TBCD: variants seen among roughly 807,000 people sequenced by gnomAD.
TBCD encodes the protein tubulin folding cofactor D, also known as tubulin-specific chaperone D.
A neutral mutation model predicts 169.3 loss-of-function variants in TBCD; 105 were observed. That is an observed-to-expected ratio of 0.62 (90% confidence interval 0.53 to 0.73). TBCD has a LOEUF of 0.73. Among genes scored for constraint, TBCD ranks in the 30% least tolerant of loss-of-function variants. TBCD has a pLI of 0.00. For missense variants in TBCD, 1,444 were observed against 1,600.1 expected (o/e 0.90, Z 1.66); for synonymous variants, 700 against 643.9 (o/e 1.09, Z -1.32).
intron 2 of TBCD, among the ~76,000 whole-genome samples, chr17:82,761,100 C>T (rs2047730804): frequency 6.6e-6 from 1 of 152,160 alleles, no homozygotes; most frequent in East Asian, 1.9e-4. Context: ...GCTGGGATTA[C>T]AGGCGCCACC....
Position 82,920,603 on chromosome 17 carries a change from G to A in TBCD, c.2086G>A (p.Gly696Ser). The change falls in exon 24 of 39, where the codon GGT (glycine) becomes AGT (serine). Residue 696 changes from glycine to serine, a missense_variant. Coordinates refer to ENST00000355528, the MANE Select transcript of TBCD (RefSeq NM_005993.5). The surrounding 1 kb of genome is among the most constrained non-coding windows in gnomAD (Gnocchi z 4.1). ...KLSLSKMPFR[G>S]DTVIDGWQWL... is the part of the protein sequence containing the mutation. The stretch of plus-strand genomic sequence containing the variant: ...GTCACTTTCCAAAATGCCCTTTAGA[G>A]GTGACACCGTAATTGGTAAGTGCTT... The A allele has an allele frequency of 6.4e-7, 1 of 1,551,264 alleles. No homozygotes were observed. The highest frequency in any genetic ancestry group is 8.7e-7 in the Non-Finnish European group (1 of 1,147,756).
At chr17:82,885,560 T>C (rs1329044644) in intron 15 of TBCD, among the ~76,000 whole-genome samples, 3 of 152,220 alleles carry the variant, frequency 2.0e-5, no homozygotes, top group African/African-American at 7.2e-5. Context: ...GGGGAAATCA[T>C]CACATTTTTG....
At chr17:82,939,121 A>G (rs1271392173) in intron 36 of TBCD, 6 of 571,158 alleles carry the variant, frequency 1.1e-5, no homozygotes, top group Non-Finnish European at 1.6e-5. Context: ...TTAAACAAGA[A>G]TGATGTCATC....
intron 27 of TBCD, 23 bp from the exon 28 acceptor site, chr17:82,926,376 CT>C: frequency 6.2e-7 from 1 of 1,609,922 alleles, no homozygotes; most frequent in Non-Finnish European, 8.5e-7. Flanking sequence ...TATGGTTCTT[CT>C]GTGATTCTTT....
At chr17:82,863,573 G>A (rs1455602551) in intron 13 of TBCD, among the ~76,000 whole-genome samples, 2 of 152,204 alleles carry the variant, frequency 1.3e-5, no homozygotes, top group Non-Finnish European at 2.9e-5. Context: ...CAGTGTGAGC[G>A]GGGAGGGTGC....
intron 32 of TBCD, 30 bp downstream of exon 32, chr17:82,929,530 G>A: frequency 6.2e-7 from 1 of 1,600,366 alleles, no homozygotes; most frequent in Non-Finnish European, 8.5e-7. Flanking sequence ...GCTGGGGCAG[G>A]AGGTGGCTCC....
chr17:82,860,682 C>T (rs2056681758), intron 13 of TBCD, among the ~76,000 whole-genome samples: 1 of 152,264 alleles, frequency 6.6e-6, no homozygotes, highest in East Asian at 1.9e-4. Flanking sequence ...TGTGGGGGGT[C>T]CTTGTGTGCT....
In TBCD at chr17:82,797,808, G is replaced by T. The variant is rs775669532; in HGVS notation, c.817+6G>T. 1.3e-6 allele frequency: 2 copies of T among 1,571,868 alleles called. No individual in the cohort carries two copies. Among genetic ancestry groups the T allele is most frequent in the Non-Finnish European group, 1.7e-6 (2 of 1,166,230 alleles). ...TGAAGACTGTTTGCCCTATGGTAAG[G>T]TTTATTTTTAAGAGACGATATCTTT... On this transcript the variant is annotated splice_donor_region_variant and intron_variant, in intron 8 of 38. Transcript: ENST00000355528.
intron 13 of TBCD, among the ~76,000 whole-genome samples, chr17:82,816,219 C>T (rs2051889413): frequency 6.6e-6 from 1 of 152,238 alleles, no homozygotes; most frequent in South Asian, 2.1e-4. Context: ...TGGAGTGCCT[C>T]CTTCCTTCCT....
intron 7 of TBCD, among the ~76,000 whole-genome samples, chr17:82,788,136 G>A (rs2144435136): frequency 6.6e-6 from 1 of 152,322 alleles, no homozygotes; most frequent in East Asian, 1.9e-4. Flanking sequence ...TACTTGGGAG[G>A]CTGAGGCAGG....
At chr17:82,892,507 G>C (rs972861044) in intron 16 of TBCD, among the ~76,000 whole-genome samples, 1 of 152,144 alleles carries the variant, frequency 6.6e-6, no homozygotes, top group African/African-American at 2.4e-5. Context: ...AAAGCCGCAT[G>C]GTACCTGCTC....
rs1415918615 is a variant in TBCD at position 82,752,106 on chromosome 17, C to T, written c.-88C>T. 3.7e-6 allele frequency: 5 copies of T among 1,342,788 alleles called. No homozygotes were observed. The highest frequency in any genetic ancestry group is 1.5e-5 in the African/African-American group (1 of 64,702). 83.2% of individuals were successfully genotyped at this position (1,342,788 alleles called of 1,614,324 possible). On this transcript the variant is annotated 5_prime_UTR_variant, in exon 1 of 39. Coordinates refer to ENST00000355528, the MANE Select transcript of TBCD (RefSeq NM_005993.5). ...GCCTTAGCGGGCGCCTCCTTTTCATCCCTCATCCTTCATCCCTGGCTTTCG... is the reference window on the plus strand; with the variant it reads ...GCCTTAGCGGGCGCCTCCTTTTCATTCCTCATCCTTCATCCCTGGCTTTCG...
At chr17:82,936,885 T>G (rs1193637937) in intron 34 of TBCD, among the ~76,000 whole-genome samples, 1 of 152,146 alleles carries the variant, frequency 6.6e-6, no homozygotes, top group Non-Finnish European at 1.5e-5. Context: ...GTCGGCAGTT[T>G]CCCCCGGCTC....
Position 82,915,096 on chromosome 17 carries a change from C to T in TBCD, c.2038+3307C>T, listed in dbSNP as rs557827312. 3.3e-5 allele frequency among the ~76,000 whole-genome samples: 5 copies of T among 152,196 alleles called. No homozygotes were observed. The highest frequency in any genetic ancestry group is 2.1e-4 in the South Asian group (1 of 4,810). ...GTGAGACAAGACTCCAAGCTCTTGT[C>T]GGGGTGAGAAATCTGCGGGTTCACG... On this transcript the variant is annotated intron_variant, in intron 23 of 38. Coordinates refer to ENST00000355528, the MANE Select transcript of TBCD (RefSeq NM_005993.5). This position sits in a 1 kb window ranked among gnomAD's most constrained non-coding sequence, Gnocchi z 4.3.
chr17:82,808,357 G>C (rs2051138878), intron 11 of TBCD, among the ~76,000 whole-genome samples: 1 of 140,626 alleles, frequency 7.1e-6, no homozygotes, highest in Admixed American at 6.8e-5. Context: ...GATGAGGCAG[G>C]TGCAGGGGCC....
chr17:82,916,115 T>TTC (rs2061011938), intron 23 of TBCD, among the ~76,000 whole-genome samples: 1 of 152,260 alleles, frequency 6.6e-6, no homozygotes, highest in African/African-American at 2.4e-5. Context: ...CTCCTTCTTG[T>TTC]TCTGTCCTGC....
At chr17:82,850,766 C>T (rs935420125) in intron 13 of TBCD, among the ~76,000 whole-genome samples, 3 of 152,216 alleles carry the variant, frequency 2.0e-5, no homozygotes, top group African/African-American at 7.2e-5. Flanking sequence ...GCATTGAATT[C>T]GTATGGGGCT....
At chr17:82,936,544 A>G (rs1460966973) in intron 34 of TBCD, among the ~76,000 whole-genome samples, 2 of 152,132 alleles carry the variant, frequency 1.3e-5, no homozygotes, top group Admixed American at 6.5e-5. Flanking sequence ...CCTCAGAGCA[A>G]GCCGAGGTCT....
chr17:82,769,641 C>T (rs2048201457), intron 5 of TBCD, among the ~76,000 whole-genome samples: 1 of 152,136 alleles, frequency 6.6e-6, no homozygotes, highest in Non-Finnish European at 1.5e-5. Context: ...CTTTGGGAGG[C>T]CGGGGCGGGC....
Sources: gnomAD v4.1 joint callset for allele counts (sites outside exome capture counted in the v4.1 genomes callset) on GRCh38, gnomAD v4.1.1 for gene constraint, Gnocchi (gnomAD v3.1) non-coding constraint, MANE v1.5 for transcripts, NCBI Gene and HGNC (gene_info 2026-07-23, HGNC 2026-07-21) for gene names.